The following KRABD5 variants were observed in gnomAD, a reference collection of about 807,000 sequenced individuals.
KRABD5 encodes the protein KRAB domain containing 5.
At chr16:31,713,342 T>A in the KRABD5 span, 1 of 1,549,524 alleles carries the variant, frequency 6.5e-7, no homozygotes. Flanking sequence ...GGCTTCGCGT[T>A]CTGAGAATAG....
chr16:31,741,928 A>C, the KRABD5 span, among the ~76,000 whole-genome samples: 2 of 152,208 alleles, frequency 1.3e-5, no homozygotes, highest in Admixed American at 1.3e-4. Context: ...AAGTTTCTGA[A>C]TTTAAATCTT....
the KRABD5 span, among the ~76,000 whole-genome samples, chr16:31,751,052 G>A: frequency 7.2e-5 from 11 of 152,260 alleles, no homozygotes; most frequent in Admixed American, 5.2e-4. Context: ...GAGCCACTGC[G>A]CCTAGCTTTT....
the KRABD5 span, chr16:31,723,397 A>G: frequency 1.3e-6 from 2 of 1,565,384 alleles, no homozygotes; most frequent in Non-Finnish European, 1.7e-6. Context: ...CGAGAGGTCC[A>G]GAGATTAAGA....
At chr16:31,718,707 C>T in the KRABD5 span, among the ~76,000 whole-genome samples, 5 of 152,196 alleles carry the variant, frequency 3.3e-5, no homozygotes, top group African/African-American at 9.6e-5. Context: ...GATCCAGAAT[C>T]TGTGGCTCCA....
At chr16:31,725,913 C>T in the KRABD5 span, among the ~76,000 whole-genome samples, 1 of 152,144 alleles carries the variant, frequency 6.6e-6, no homozygotes, top group Admixed American at 6.5e-5. Context: ...TAGGCCAGTC[C>T]TTAGGTTGCC....
the KRABD5 span, among the ~76,000 whole-genome samples, chr16:31,721,363 A>T: frequency 1.3e-5 from 2 of 151,974 alleles, no homozygotes; most frequent in African/African-American, 4.8e-5. Context: ...CTCAGTTGTG[A>T]CACCTGCTCT....
At chr16:31,722,539 CT>C in the KRABD5 span, 7 of 1,520,686 alleles carry the variant, frequency 4.6e-6, no homozygotes, top group Non-Finnish European at 6.2e-6. Flanking sequence ...AGTCAGTTTT[CT>C]TAGCTCTCTT....
At chr16:31,754,692 A>G in the KRABD5 span, 2 of 458,386 alleles carry the variant, frequency 4.4e-6, no homozygotes, top group African/African-American at 4.0e-5. Flanking sequence ...CAGAGAATCC[A>G]TATTGGAGAA....
At chr16:31,754,558 A>T in the KRABD5 span, 1 of 528,180 alleles carries the variant, frequency 1.9e-6, no homozygotes, top group Non-Finnish European at 3.6e-6. Context: ...AACGTAAAAA[A>T]TGTGAGAAAG....
At chr16:31,752,453 C>T in the KRABD5 span, among the ~76,000 whole-genome samples, 4 of 151,578 alleles carry the variant, frequency 2.6e-5, no homozygotes, top group South Asian at 2.1e-4. Flanking sequence ...CTCGGTGCTC[C>T]GAAGTTTGGT....
At chr16:31,739,369 A>G in the KRABD5 span, among the ~76,000 whole-genome samples, 1 of 152,168 alleles carries the variant, frequency 6.6e-6, no homozygotes, top group African/African-American at 2.4e-5. Context: ...TGAATATATC[A>G]TTCTTCAACT....
chr16:31,745,763 G>A, the KRABD5 span, among the ~76,000 whole-genome samples: 1 of 151,924 alleles, frequency 6.6e-6, no homozygotes, highest in Non-Finnish European at 1.5e-5. Flanking sequence ...CTACGTCTCT[G>A]TAAGTCTCTA....
chr16:31,743,904 C>T, the KRABD5 span, among the ~76,000 whole-genome samples: 1 of 152,098 alleles, frequency 6.6e-6, no homozygotes, highest in East Asian at 1.9e-4. Context: ...GGAGTTTATT[C>T]ATGATTTAAC....
At chr16:31,746,870 T>G in the KRABD5 span, among the ~76,000 whole-genome samples, 1 of 152,132 alleles carries the variant, frequency 6.6e-6, no homozygotes, top group Non-Finnish European at 1.5e-5. Context: ...CCAGGTGGTC[T>G]TCAAATGCTG....
chr16:31,743,705 C>T, the KRABD5 span, among the ~76,000 whole-genome samples: 5 of 152,220 alleles, frequency 3.3e-5, no homozygotes, highest in East Asian at 3.9e-4. Flanking sequence ...CTATAAATTA[C>T]TTTGGGCAGT....
chr16:31,755,198 A>T, the KRABD5 span: 1 of 473,948 alleles, frequency 2.1e-6, no homozygotes, highest in Admixed American at 2.3e-5. Context: ...GAGAATTCAT[A>T]CCGGAGAAAA....
chr16:31,719,792 A>G, the KRABD5 span, among the ~76,000 whole-genome samples: 3 of 152,190 alleles, frequency 2.0e-5, no homozygotes, highest in Non-Finnish European at 4.4e-5. Flanking sequence ...TTTTTTCTTC[A>G]TTGAGAACAG....
chr16:31,733,702 C>T, the KRABD5 span: 2 of 446,834 alleles, frequency 4.5e-6, no homozygotes, highest in Non-Finnish European at 4.5e-6. Flanking sequence ...CAAGGTTTGT[C>T]CTTATTAATA....
the KRABD5 span, among the ~76,000 whole-genome samples, chr16:31,720,612 C>T: frequency 2.0e-5 from 3 of 152,086 alleles, no homozygotes; most frequent in Non-Finnish European, 2.9e-5. Flanking sequence ...TACTTTTTTC[C>T]CCCACTAATA....
Sources: allele counts gnomAD v4.1 joint callset (sites outside exome capture counted in the v4.1 genomes callset), GRCh38; gene constraint gnomAD v4.1.1; transcripts MANE v1.5; gene names NCBI Gene and HGNC (gene_info 2026-07-23, HGNC 2026-07-21).